The following PATL1 variants were observed in gnomAD, a reference collection of about 807,000 sequenced individuals.
PATL1 encodes PAT1 homolog 1, processing body mRNA decay factor, also known as protein PAT1 homolog 1.
Under a neutral mutation model 100.6 loss-of-function variants are expected in PATL1, and 32 were observed. That is an observed-to-expected ratio of 0.32 (90% CI 0.24 to 0.43). The LOEUF is 0.43. Among genes scored for constraint, PATL1 ranks in the 20% least tolerant of loss-of-function variants. PATL1 has a pLI of 1.00. For synonymous variants in PATL1, 332 were observed against 330.0 expected (o/e 1.01, Z -0.07); for missense variants, 747 against 949.9 (o/e 0.79, Z 2.81).
At chr11:59,656,355 T>C (rs1861533723) in intron 6 of PATL1, 144 bp downstream of exon 6, 4 of 722,736 alleles carry the variant, frequency 5.5e-6, no homozygotes, top group African/African-American at 1.8e-5. Flanking sequence ...TGGGGACAAT[T>C]AGATCCAGCA....
intron 2 of PATL1, 109 bp from the exon 3 acceptor site, chr11:59,659,578 C>CT (rs1861599930): frequency 9.5e-7 from 1 of 1,053,290 alleles, no homozygotes. Flanking sequence ...GTCGCCCAGG[C>CT]TGCAGTGCAG....
intron 1 of PATL1, 56 bp downstream of exon 1, chr11:59,668,825 T>C (rs1353400527): frequency 4.0e-6 from 4 of 994,644 alleles, no homozygotes; most frequent in South Asian, 1.5e-5. Context: ...GGAGAGAGAG[T>C]GAGGGAGAGG....
intron 13 of PATL1, 73 bp downstream of exon 13, chr11:59,650,681 T>G: frequency 9.6e-7 from 1 of 1,044,624 alleles, no homozygotes; most frequent in South Asian, 1.6e-5. Context: ...GCTCACTGTT[T>G]CAGTTCTAGT....
chr11:59,647,144 G>C (rs1565131574), intron 15 of PATL1, among the ~76,000 whole-genome samples: 1 of 149,000 alleles, frequency 6.7e-6, no homozygotes, highest in Non-Finnish European at 1.5e-5. Context: ...AATCACCTGA[G>C]CCTGGGATGT....
chr11:59,663,820 A>G lies in PATL1; in HGVS notation c.127+3033T>C, dbSNP rs114733707. Among the ~76,000 whole-genome samples, 993 of 152,308 alleles carry G rather than the reference A, an allele frequency of 6.5e-3. 14 individuals are homozygous for G. Among genetic ancestry groups the G allele is most frequent in the African/African-American group, 0.023 (956 of 41,560 alleles). On this transcript the variant is annotated intron_variant, in intron 2 of 18. Coordinates refer to ENST00000300146, the MANE Select transcript of PATL1 (RefSeq NM_152716.3). ...ATTATTCCAGATGCCCGCTATATGA[A>G]TTAAAAATCATAAAATCAAAACAAA...
chr11:59,667,874 T>C (rs562483197), intron 1 of PATL1, among the ~76,000 whole-genome samples: 1 of 152,240 alleles, frequency 6.6e-6, no homozygotes, highest in Non-Finnish European at 1.5e-5. Context: ...TCCTATCAAG[T>C]ATACCTGTCC....
intron 16 of PATL1, among the ~76,000 whole-genome samples, chr11:59,641,016 A>T (rs1379132371): frequency 6.6e-6 from 1 of 152,052 alleles, no homozygotes; most frequent in Non-Finnish European, 1.5e-5. Context: ...TGCTAAAAAC[A>T]CAAACATTAG....
At chr11:59,652,786 A>G (rs1861465201) in intron 10 of PATL1, 52 bp downstream of exon 10, 2 of 1,562,186 alleles carry the variant, frequency 1.3e-6, no homozygotes, top group Admixed American at 1.8e-5. Flanking sequence ...GAATACCCTC[A>G]CCAGTGTAGG....
intron 14 of PATL1, 53 bp downstream of exon 14, chr11:59,649,409 A>G (rs1861410033): frequency 6.3e-7 from 1 of 1,588,600 alleles, no homozygotes; most frequent in Admixed American, 1.7e-5. Flanking sequence ...AAATCCAGTT[A>G]TGACAGAGGA....
chr11:59,652,776 G>A (rs1315102186), intron 10 of PATL1, 62 bp downstream of exon 10: 5 of 1,539,852 alleles, frequency 3.2e-6, no homozygotes, highest in Non-Finnish European at 4.4e-6. Flanking sequence ...ATATTTAAAT[G>A]AATACCCTCA....
Position 59,637,816 on chromosome 11 carries a change from G to C in PATL1, c.*574C>G, listed in dbSNP as rs1861213764. On this transcript the variant is annotated 3_prime_UTR_variant, in exon 19 of 19. Transcript: ENST00000300146. ...AGAAACAGATTAAAATACATCAGCT[G>C]GTTTGTGTTTAGAAGAGGTAATGAG... is the stretch of plus-strand genomic sequence containing the variant. 6.5e-6 allele frequency: 1 copy of C among 153,294 alleles called. No homozygotes were observed. Among genetic ancestry groups the C allele is most frequent in the Non-Finnish European group, 1.5e-5 (1 of 68,788 alleles). The allele number at this position is 153,294 out of a possible 1,614,324, so 9.5% of individuals were successfully genotyped here.
chr11:59,664,762 G>T (rs1393662250), intron 2 of PATL1, among the ~76,000 whole-genome samples: 1 of 152,140 alleles, frequency 6.6e-6, no homozygotes, highest in East Asian at 1.9e-4. Context: ...TGGAGAAAGA[G>T]TCTCACTATG....
chr11:59,647,969 T>C, intron 14 of PATL1, 56 bp from the exon 15 acceptor site: 2 of 1,503,308 alleles, frequency 1.3e-6, no homozygotes, highest in East Asian at 2.3e-5. Flanking sequence ...GAAACCCTCA[T>C]TTTTTTCCTC....
At chr11:59,639,422 G>C (rs1481310886) in intron 16 of PATL1, 39 bp from the exon 17 acceptor site, 9 of 1,456,736 alleles carry the variant, frequency 6.2e-6, no homozygotes, top group Non-Finnish European at 6.6e-6. Flanking sequence ...TCAACACTGT[G>C]TCTAAACCTC....
intron 9 of PATL1, 97 bp from the exon 10 acceptor site, chr11:59,653,115 A>G (rs1275605638): frequency 4.4e-6 from 3 of 686,502 alleles, no homozygotes; most frequent in Admixed American, 3.0e-5. Flanking sequence ...TTTTTTTTTT[A>G]AAGATTCCCG....
chr11:59,661,361 C>T (rs115156655), intron 2 of PATL1, among the ~76,000 whole-genome samples: 2,235 of 152,336 alleles, frequency 0.015, 52 homozygotes, highest in African/African-American at 0.052. Context: ...GCTGGGATCA[C>T]AGGCTTGAGC....
intron 2 of PATL1, among the ~76,000 whole-genome samples, chr11:59,666,023 C>T (rs1861683820): frequency 1.3e-5 from 2 of 151,724 alleles, no homozygotes; most frequent in Non-Finnish European, 2.9e-5. Context: ...CGCGGTGGCT[C>T]AGGCCTGTAA....
intron 14 of PATL1, 125 bp from the exon 15 acceptor site, chr11:59,648,038 T>C: frequency 2.9e-6 from 2 of 695,432 alleles, no homozygotes; most frequent in Non-Finnish European, 4.2e-6. Flanking sequence ...ACCTGTACTA[T>C]AAAACAGTAG....
chr11:59,652,249 C>T (rs1861458285), intron 11 of PATL1, among the ~76,000 whole-genome samples: 1 of 151,862 alleles, frequency 6.6e-6, no homozygotes, highest in African/African-American at 2.4e-5. Flanking sequence ...CATGAAATCT[C>T]AAGTAGAAAA....
Sources: gnomAD v4.1 joint callset for allele counts (sites outside exome capture counted in the v4.1 genomes callset) on GRCh38, gnomAD v4.1.1 for gene constraint, MANE v1.5 for transcripts, NCBI Gene and HGNC (gene_info 2026-07-23, HGNC 2026-07-21) for gene names.